ATP12A: variants seen among roughly 807,000 people sequenced by gnomAD.
ATP12A encodes the protein ATPase H+/K+ transporting non-gastric alpha2 subunit.
A neutral mutation model predicts 111.2 loss-of-function variants in ATP12A; 81 were observed. The ratio of observed to expected loss-of-function variants is 0.73; its 90% confidence interval spans 0.61 to 0.88. ATP12A has a LOEUF of 0.88. ATP12A is among the 40% of genes least tolerant of loss of function. The pLI is 0.00. For synonymous variants in ATP12A, 498 were observed against 499.8 expected, an observed-to-expected ratio of 1.00 and a Z score of 0.05; for missense variants, 1,196 against 1,313.1, an observed-to-expected ratio of 0.91 and a Z score of 1.38.
chr13:24,691,035 A>G lies in ATP12A; in HGVS notation c.853A>G (p.Ile285Val). The G allele has an allele frequency of 1.2e-6, 2 of 1,614,088 alleles. No homozygotes were observed. Among genetic ancestry groups the G allele is most frequent in the Non-Finnish European group, 1.7e-6 (2 of 1,179,964 alleles). Residue 285 changes from isoleucine (I) to valine (V), a missense_variant, in exon 8 of 23, where the codon ATT becomes GTT. This residue lies in a region of ATP12A where 1,126 missense variants were observed against 1,228.5 expected (regional missense o/e 0.92). Coordinates refer to ENST00000381946, the MANE Select transcript of ATP12A (RefSeq NM_001676.7). ...NTGDRTIIGH[I>V]ASLASGVGNE... Reference sequence around the variant, plus strand: ...GGGTGACCGCACCATCATTGGCCATATTGCCTCATTGGCCTCAGGAGTTGG... The same window carrying G: ...GGGTGACCGCACCATCATTGGCCATGTTGCCTCATTGGCCTCAGGAGTTGG...
At position 24,681,579 on chromosome 13, in the gene ATP12A, C is replaced by T. The variant is rs1449624098; in HGVS notation, c.27C>T (p.Tyr9=). 1 of 1,611,828 alleles carries T rather than the reference C, an allele frequency of 6.2e-7. No individual in the cohort carries two copies. Among genetic ancestry groups the T allele is most frequent in the Non-Finnish European group, 8.5e-7 (1 of 1,179,546 alleles). MHQKTPEI[Y]SVELSGTKDI... The stretch of plus-strand genomic sequence containing the variant: ...TCTTTCAGAAAACCCCAGAAATTTA[C>T]TCCGTGGAGCTCAGCGGAACTAAGG... The change falls in exon 2 of 23, where the codon TAC becomes TAT. Residue 9 remains tyrosine, a synonymous_variant. Transcript: ENST00000381946.
intron 17 of ATP12A, among the ~76,000 whole-genome samples, chr13:24,707,876 C>G (rs1202817991): frequency 6.6e-6 from 1 of 151,940 alleles, no homozygotes; most frequent in African/African-American, 2.4e-5. Context: ...ATGGGGTTTC[C>G]TGGCCTCAAG....
At chr13:24,694,866 C>T (rs1057277401) in intron 11 of ATP12A, among the ~76,000 whole-genome samples, 1 of 32,540 alleles carries the variant, frequency 3.1e-5, no homozygotes, top group Non-Finnish European at 6.2e-5. Context: ...CTCTCTCACA[C>T]ACACACACAC....
Position 24,706,340 on chromosome 13 carries a change from C to G in ATP12A, c.2046C>G (p.Gly682=), listed in dbSNP as rs372045579. 1.9e-6 allele frequency: 3 copies of G among 1,614,136 alleles called. No homozygotes were observed. The South Asian group carries it at 3.3e-5, about 18-fold the overall frequency. Residue 682 remains glycine, a synonymous_variant, in exon 15 of 23, where the codon GGC becomes GGG. Transcript: ENST00000381946. The stretch of plus-strand genomic sequence containing the variant: ...ATGCCAAGGCCGCTGTGGTGACTGG[C>G]ATGGAGCTGAAGGACATGAGCTCAG... ...KRDAKAAVVT[G]MELKDMSSEQ... is the part of the protein sequence containing the mutation.
At position 24,706,326 on chromosome 13, in the gene ATP12A, G is replaced by A. The variant is rs151141940; in HGVS notation, c.2032G>A (p.Ala678Thr). Residue 678 changes from alanine (A) to threonine (T), a missense_variant, in exon 15 of 23, where the codon GCT becomes ACT. Physicochemically the swap from Ala to Thr is moderately conservative, Grantham distance 58. Transcript: ENST00000381946. ...TGGCCCTTCTAGGGATGCCAAGGCCGCTGTGGTGACTGGCATGGAGCTGAA... is the reference window on the plus strand; with the variant it reads ...TGGCCCTTCTAGGGATGCCAAGGCCACTGTGGTGACTGGCATGGAGCTGAA... The part of the protein sequence containing the change: ...EQVNKRDAKA[A>T]VVTGMELKDM... The A allele has an allele frequency of 1.1e-3, 1,846 of 1,614,036 alleles. 2 individuals carry two copies. The highest frequency in any genetic ancestry group is 1.5e-3 in the Non-Finnish European group (1,734 of 1,179,920).
Position 24,685,010 on chromosome 13 carries a change from T to C in ATP12A, c.169-304T>C, listed in dbSNP as rs547828472. ...TGGAAGATGAGGGTGCCAGAACCTG[T>C]ATGCCCTGGAGTTCAGATTGAAGCG... On this transcript the variant is annotated intron_variant, in intron 2 of 22. Coordinates refer to ENST00000381946, the MANE Select transcript of ATP12A (RefSeq NM_001676.7). The surrounding 1 kb of genome is among the most constrained non-coding windows in gnomAD (Gnocchi z 5.5). 6.6e-6 allele frequency among the ~76,000 whole-genome samples: 1 copy of C among 152,204 alleles called. No individual in the cohort carries two copies. Among genetic ancestry groups the C allele is most frequent in the Non-Finnish European group, 1.5e-5 (1 of 68,032 alleles).
rs773705691 is a variant in ATP12A at position 24,709,696 on chromosome 13, C to T, written c.2631C>T (p.Ala877=). ...YSYLHIGLMQ[A]LGAFLVYFTV... is the part of the protein sequence containing the mutation. Reference sequence around the variant, plus strand: ...TTGTTCTTTCAGGCCTCATGCAAGCCCTGGGAGCTTTCCTTGTGTATTTCA... The same window carrying T: ...TTGTTCTTTCAGGCCTCATGCAAGCTCTGGGAGCTTTCCTTGTGTATTTCA... Residue 877 remains alanine, a synonymous_variant, in exon 19 of 23, where the codon GCC becomes GCT. Transcript: ENST00000381946. 1 of 1,614,178 alleles carries T rather than the reference C, an allele frequency of 6.2e-7. No individual in the cohort carries two copies. Among genetic ancestry groups the T allele is most frequent in the Non-Finnish European group, 8.5e-7 (1 of 1,180,028 alleles).
In ATP12A at chr13:24,680,649, TGCCACA is replaced by T; in HGVS notation, c.-88_-83del. On this transcript the variant is annotated 5_prime_UTR_variant, in exon 1 of 23. Transcript: ENST00000381946. ...CCGCCAACACCTCAGCCACTGCCAC[TGCCACA>T]GCCACACGAGGCCCCCCACCGTGCG... 2 of 1,427,148 alleles carry T rather than the reference TGCCACA, an allele frequency of 1.4e-6. No homozygotes were observed. The highest frequency in any genetic ancestry group is 2.9e-5 in the East Asian group (1 of 34,860). 88.4% of individuals were successfully genotyped at this position (1,427,148 alleles called of 1,614,324 possible).
At position 24,692,642 on chromosome 13, in the gene ATP12A, G is replaced by A; in HGVS notation, c.1267+15G>A. 1 of 1,608,238 alleles carries A rather than the reference G, an allele frequency of 6.2e-7. No individual in the cohort carries two copies. Among genetic ancestry groups the A allele is most frequent in the Non-Finnish European group, 8.5e-7 (1 of 1,175,484 alleles). On this transcript the variant is annotated intron_variant, in intron 9 of 22. Transcript: ENST00000381946. ...GGACCATTCAAGTAAGTCTTATGGA[G>A]AGCTCGGTCTGGCCAAAGCTGTGGA...
chr13:24,693,951 T>A (rs1188955125), intron 10 of ATP12A, among the ~76,000 whole-genome samples: 1 of 152,228 alleles, frequency 6.6e-6, no homozygotes, highest in Non-Finnish European at 1.5e-5. Flanking sequence ...TTTCCCTTAA[T>A]GGTGCTTTTA....
At position 24,700,833 on chromosome 13, in the gene ATP12A, C is replaced by T. The variant is rs1875361963; in HGVS notation, c.1792C>T (p.Leu598Phe). ...CGCTATGAACTTTCCGACCTCCAACCTCTGTTTTGTGGGACTCTTGTCAAT... is the reference window on the plus strand; with the variant it reads ...CGCTATGAACTTTCCGACCTCCAACTTCTGTTTTGTGGGACTCTTGTCAAT... Reference protein sequence around the residue: ...IDAMNFPTSNLCFVGLLSMID... With the variant: ...IDAMNFPTSNFCFVGLLSMID... The change falls in exon 13 of 23, where the codon CTC becomes TTC. Residue 598 changes from leucine to phenylalanine, a missense_variant. By Grantham distance (22) the Leu-to-Phe change is conservative (BLOSUM62 0). Around this residue, in one of 3 missense-constraint regions of ATP12A, gnomAD observed 1,126 missense variants for 1,228.5 expected, o/e 0.92. Coordinates refer to ENST00000381946, the MANE Select transcript of ATP12A (RefSeq NM_001676.7). 6.2e-7 allele frequency: 1 copy of T among 1,614,130 alleles called. No homozygotes were observed. Among genetic ancestry groups the T allele is most frequent in the East Asian group, 2.2e-5 (1 of 44,876 alleles).
chr13:24,692,402 C>G, intron 8 of ATP12A, 27 bp from the exon 9 acceptor site: 2 of 1,607,986 alleles, frequency 1.2e-6, no homozygotes, highest in Non-Finnish European at 1.7e-6. Context: ...AGGATTTTTC[C>G]CAAAGCGTCC....
chr13:24,702,907 C>T (rs1593141250), intron 14 of ATP12A, among the ~76,000 whole-genome samples: 1 of 152,190 alleles, frequency 6.6e-6, no homozygotes, highest in Non-Finnish European at 1.5e-5. Flanking sequence ...TCCGAATTCT[C>T]AGGTTGAGAA....
intron 13 of ATP12A, among the ~76,000 whole-genome samples, chr13:24,701,591 A>G (rs1031741684): frequency 2.7e-4 from 41 of 152,196 alleles, no homozygotes; most frequent in Non-Finnish European, 5.4e-4. Flanking sequence ...CTCAGCCCCC[A>G]TAATCCATGT....
At chr13:24,692,296 A>G (rs1874938479) in intron 8 of ATP12A, 133 bp from the exon 9 acceptor site, 1 of 947,896 alleles carries the variant, frequency 1.1e-6, no homozygotes, top group Non-Finnish European at 1.6e-6. Context: ...TGCGCTGACA[A>G]CCACACCTCT....
rs772346788 is a variant in ATP12A at position 24,698,793 on chromosome 13, G to A, written c.1648G>A (p.Ala550Thr). 1.9e-6 allele frequency: 3 copies of A among 1,614,086 alleles called. No individual in the cohort carries two copies. Among genetic ancestry groups the A allele is most frequent in the Non-Finnish European group, 2.5e-6 (3 of 1,180,036 alleles). The part of the protein sequence containing the change: ...GEEHPLDKST[A>T]KTFHTAYMEL... ...GGAGCACCCACTGGACAAGAGCACT[G>A]CCAAGACCTTCCACACAGCCTACAT... The change falls in exon 12 of 23, where the codon GCC becomes ACC. Residue 550 changes from alanine (A) to threonine (T), a missense_variant. Around this residue, in one of 3 missense-constraint regions of ATP12A, gnomAD observed 1,126 missense variants for 1,228.5 expected, o/e 0.92. Transcript: ENST00000381946.
At chr13:24,704,779 G>T in intron 14 of ATP12A, 1 of 186,530 alleles carries the variant, frequency 5.4e-6, no homozygotes, top group South Asian at 9.2e-5. Context: ...GTCACAAAGG[G>T]ACTGCACTTC....
intron 2 of ATP12A, among the ~76,000 whole-genome samples, chr13:24,682,540 G>A (rs1410299065): frequency 5.3e-5 from 8 of 152,126 alleles, no homozygotes; most frequent in African/African-American, 1.9e-4. Context: ...CCACAGGCAT[G>A]GCCAGACCTC....
rs1566072508 is a variant in ATP12A, at chr13:24,692,895, AGGTAATGCTTCTGCAGCACTT to A, written c.1377+3_1377+23del. 6.2e-7 allele frequency: 1 copy of A among 1,612,858 alleles called. No individual in the cohort carries two copies. Among genetic ancestry groups the A allele is most frequent in the South Asian group, 1.1e-5 (1 of 91,030 alleles). On this transcript the variant is annotated splice_donor_variant and splice_donor_5th_base_variant and coding_sequence_variant and intron_variant, in exon 10 of 23. Coordinates refer to ENST00000381946, the MANE Select transcript of ATP12A (RefSeq NM_001676.7). LOFTEE classifies it high-confidence loss of function. ...GGACAGGAAAATGTCCCCATCATGA[AGGTAATGCTTCTGCAGCACTT>A]GGTCTTAAATCACAGCCAGTTTGTA...
Sources: gnomAD v4.1 joint callset for allele counts (sites outside exome capture counted in the v4.1 genomes callset) on GRCh38, gnomAD v4.1.1 for gene constraint, gnomAD v4.1.1 regional missense constraint, Gnocchi (gnomAD v3.1) non-coding constraint, MANE v1.5 for transcripts, NCBI Gene and HGNC (gene_info 2026-07-23, HGNC 2026-07-21) for gene names.